Variants in USH2A observed in about 807,000 individuals in gnomAD.
USH2A encodes usherin, also known as Usher syndrome 2A (autosomal recessive, mild).
Under a neutral mutation model 538.9 loss-of-function variants are expected in USH2A, and 443 were observed. That is an observed-to-expected ratio of 0.82 (90% CI 0.76 to 0.89). USH2A has a LOEUF of 0.89. USH2A is among the 40% of genes least tolerant of loss of function. The pLI, the probability that USH2A is intolerant of heterozygous loss-of-function variation, is 0.00. For missense variants in USH2A, 6,633 were observed against 6,324.8 expected, an observed-to-expected ratio of 1.05 and a Z score of -1.65; for synonymous variants, 2,413 against 2,273.5, an observed-to-expected ratio of 1.06 and a Z score of -1.75.
At chr1:215,977,148 G>A (rs1667637805) in intron 35 of USH2A, among the ~76,000 whole-genome samples, 1 of 151,914 alleles carries the variant, frequency 6.6e-6, no homozygotes, top group South Asian at 2.1e-4. Flanking sequence ...AACTTCCAAA[G>A]AATGAATCAG....
chr1:215,721,303 G>T (rs1268466488), intron 61 of USH2A, among the ~76,000 whole-genome samples: 1 of 152,166 alleles, frequency 6.6e-6, no homozygotes, highest in African/African-American at 2.4e-5. Flanking sequence ...TCGAACGCCT[G>T]ACCTCAGGTA....
At chr1:216,262,827 A>G (rs2036400261) in intron 11 of USH2A, among the ~76,000 whole-genome samples, 3 of 152,058 alleles carry the variant, frequency 2.0e-5, no homozygotes, top group Admixed American at 2.0e-4. Context: ...ACCAAAAACA[A>G]TACAAAAGCT....
chr1:215,677,270 C>T (rs910599207), intron 62 of USH2A, among the ~76,000 whole-genome samples: 5 of 152,164 alleles, frequency 3.3e-5, no homozygotes, highest in African/African-American at 1.2e-4. Flanking sequence ...TCCTCCTTCC[C>T]CAAGACTTCA....
intron 3 of USH2A, among the ~76,000 whole-genome samples, chr1:216,378,982 T>C (rs1365229431): frequency 1.3e-5 from 2 of 152,196 alleles, no homozygotes; most frequent in Non-Finnish European, 2.9e-5. Flanking sequence ...AAGGCAGGTA[T>C]GCAATACAAC....
intron 67 of USH2A, among the ~76,000 whole-genome samples, chr1:215,644,309 T>G (rs1656780225): frequency 6.6e-6 from 1 of 152,072 alleles, no homozygotes; most frequent in South Asian, 2.1e-4. Flanking sequence ...TATGAGAAAT[T>G]CAGAGGGAGA....
chr1:215,966,038 G>A (rs534533065), intron 36 of USH2A, among the ~76,000 whole-genome samples: 1 of 151,724 alleles, frequency 6.6e-6, no homozygotes, highest in South Asian at 2.1e-4. Flanking sequence ...TATCAGTTAT[G>A]TAAAAATGGC....
At chr1:215,793,007 T>A (rs950821202) in intron 50 of USH2A, among the ~76,000 whole-genome samples, 3 of 152,164 alleles carry the variant, frequency 2.0e-5, no homozygotes, top group African/African-American at 7.2e-5. Context: ...GCATATATTG[T>A]CTTTCTAAAC....
chr1:215,696,674 C>T (rs1464256144), intron 61 of USH2A, among the ~76,000 whole-genome samples: 1 of 152,070 alleles, frequency 6.6e-6, no homozygotes, highest in African/African-American at 2.4e-5. Flanking sequence ...GAAGAGTTAG[C>T]GGATACAGAC....
chr1:215,726,218 C>T (rs575448400), intron 61 of USH2A, among the ~76,000 whole-genome samples: 8 of 152,118 alleles, frequency 5.3e-5, no homozygotes, highest in Non-Finnish European at 8.8e-5. Context: ...TGGGAAGTAA[C>T]GAACTTCCTC....
rs1268135843 is a variant in USH2A at position 215,674,496 on chromosome 1, C to A, written c.13415G>T (p.Gly4472Val). ...ITWKPPRNPN[G>V]QIRSYELRRD... The stretch of plus-strand genomic sequence containing the variant: ...CCTAAGTTCATAACTTCTGATCTGG[C>A]CATTTGGGTTTCTTGGAGGTTTCCA... Residue 4472 changes from glycine to valine, a missense_variant, in exon 63 of 72, where the codon GGC becomes GTC. Physicochemically the swap from Gly to Val is moderately radical, Grantham distance 109. Transcript: ENST00000307340. 1 of 1,613,954 alleles carries A rather than the reference C, an allele frequency of 6.2e-7. No individual in the cohort carries two copies. Among genetic ancestry groups the A allele is most frequent in the Non-Finnish European group, 8.5e-7 (1 of 1,180,018 alleles).
At chr1:215,842,398 G>T (rs1165262092) in intron 46 of USH2A, among the ~76,000 whole-genome samples, 1 of 152,142 alleles carries the variant, frequency 6.6e-6, no homozygotes, top group Non-Finnish European at 1.5e-5. Flanking sequence ...AAGACAGTGT[G>T]GTGGGTCCTC....
At chr1:216,066,979 T>C (rs1224970778) in intron 30 of USH2A, among the ~76,000 whole-genome samples, 1 of 152,186 alleles carries the variant, frequency 6.6e-6, no homozygotes, top group Non-Finnish European at 1.5e-5. Flanking sequence ...TATTATATCA[T>C]CATTGTCAGG....
At position 215,789,030 on chromosome 1, in the gene USH2A, T is replaced by C. The variant is rs375059945; in HGVS notation, c.10182+1029A>G. Among the ~76,000 whole-genome samples, 17 of 152,270 alleles carry C rather than the reference T, an allele frequency of 1.1e-4. No homozygotes were observed. In the East Asian group the frequency reaches 3.3e-3, roughly 29 times the overall value. ...TAGGGAAGACCGAATGGGCCAGCTATGTAAAAATCCCATGGTGATCCATTC... is the reference window on the plus strand; with the variant it reads ...TAGGGAAGACCGAATGGGCCAGCTACGTAAAAATCCCATGGTGATCCATTC... On this transcript the variant is annotated intron_variant, in intron 51 of 71. Transcript: ENST00000307340.
At chr1:216,373,487 A>G (rs2038755094) in intron 3 of USH2A, among the ~76,000 whole-genome samples, 1 of 152,168 alleles carries the variant, frequency 6.6e-6, no homozygotes, top group Non-Finnish European at 1.5e-5. Flanking sequence ...AAAAATAACT[A>G]TCTCAACGTT....
chr1:215,947,141 A>G (rs568195851), intron 37 of USH2A, among the ~76,000 whole-genome samples: 48 of 151,894 alleles, frequency 3.2e-4, no homozygotes, highest in Middle Eastern at 3.4e-3. Flanking sequence ...TCTCACGTTC[A>G]AGTGATTCTC....
At chr1:215,965,270 G>A (rs774306970) in intron 37 of USH2A, 47 bp downstream of exon 37, 36 of 1,556,208 alleles carry the variant, frequency 2.3e-5, no homozygotes, top group Non-Finnish European at 2.9e-5. Flanking sequence ...ATAAAAATGA[G>A]TTGTTTTCTA....
intron 47 of USH2A, among the ~76,000 whole-genome samples, chr1:215,820,839 T>C (rs1571719121): frequency 1.3e-5 from 2 of 151,828 alleles, no homozygotes; most frequent in Admixed American, 1.3e-4. Flanking sequence ...GAACATGCAA[T>C]GTTTGTCTTT....
chr1:216,024,255 G>C (rs956913946), intron 32 of USH2A, among the ~76,000 whole-genome samples: 1 of 152,058 alleles, frequency 6.6e-6, no homozygotes, highest in East Asian at 1.9e-4. Context: ...GTAAACATGA[G>C]TGAATCACTG....
rs757899154 is a variant in USH2A, at chr1:216,073,192, G to C, written c.5681C>G (p.Thr1894Ser). The C allele has an allele frequency of 2.5e-6, 4 of 1,613,884 alleles. No homozygotes were observed. Among genetic ancestry groups the C allele is most frequent in the Admixed American group, 3.3e-5 (2 of 59,920 alleles). Residue 1894 changes from threonine to serine, a missense_variant, in exon 28 of 72, where the codon ACT becomes AGT. Physicochemically the swap from Thr to Ser is moderately conservative, Grantham distance 58 (BLOSUM62 1). Coordinates refer to ENST00000307340, the MANE Select transcript of USH2A (RefSeq NM_206933.4). The stretch of plus-strand genomic sequence containing the variant: ...TCCCCTGCAGTTAACAGCACTGTCA[G>C]TTGATAGGCATCCATCCAGATTGAC... ...VRVNLDGCLS[T>S]DSAVNCRGND...
Sources: allele counts gnomAD v4.1 joint callset (sites outside exome capture counted in the v4.1 genomes callset), GRCh38; gene constraint gnomAD v4.1.1; transcripts MANE v1.5; gene names NCBI Gene and HGNC (gene_info 2026-07-23, HGNC 2026-07-21).